Variants in GPAT2 observed in about 807,000 individuals in gnomAD.
The protein encoded by GPAT2 is glycerol-3-phosphate acyltransferase 2, mitochondrial.
GPAT2 carries 51 observed loss-of-function variants against 71.0 expected under a neutral mutation model. That is an observed-to-expected ratio of 0.72 (90% CI 0.57 to 0.91). The LOEUF is 0.91. GPAT2 is among the 40% of genes least tolerant of loss of function. The probability of loss-of-function intolerance (pLI) is 0.00; values close to 1 mark genes in which losing one functional copy is unlikely to be tolerated. For synonymous variants in GPAT2, 222 were observed against 290.3 expected (o/e 0.76, Z 2.39); for missense variants, 511 against 666.0 (o/e 0.77, Z 2.56).
chr2:96,025,697 C>T, intron 12 of GPAT2, 94 bp from the exon 13 acceptor site: 1 of 1,408,076 alleles, frequency 7.1e-7, no homozygotes, highest in Non-Finnish European at 9.7e-7. Context: ...GGGTGTTTCC[C>T]CCTCCCAGCC....
rs768933831 is a variant in GPAT2 at position 96,023,453 on chromosome 2, G to A, written c.1915-13C>T. 7 of 1,613,766 alleles carry A rather than the reference G, an allele frequency of 4.3e-6. No individual in the cohort carries two copies. Among genetic ancestry groups the A allele is most frequent in the Non-Finnish European group, 5.9e-6 (7 of 1,179,970 alleles). ...GGGAGCCTGGGGTCTAGGGGCCGTG[G>A]AGCCATTGTTCTCTGACAAGCTGGC... On this transcript the variant is annotated splice_polypyrimidine_tract_variant and intron_variant, in intron 17 of 21. Transcript: ENST00000434632.
intron 12 of GPAT2, 149 bp downstream of exon 12, chr2:96,025,781 T>C: frequency 8.4e-7 from 1 of 1,192,824 alleles, no homozygotes; most frequent in Admixed American, 2.1e-5. Flanking sequence ...CTCAGACTGT[T>C]GGCAAGGCGA....
chr2:96,024,839 A>C lies in GPAT2; in HGVS notation c.1362T>G (p.Ser454Arg). The C allele has an allele frequency of 6.2e-7, 1 of 1,612,646 alleles. No individual in the cohort carries two copies. Among genetic ancestry groups the C allele is most frequent in the East Asian group, 2.2e-5 (1 of 44,842 alleles). ...RRLSCHVLSA[S>R]VGSSAVMSTA... ...TGCTCATCACCGCAGAGCTCCCTAC[A>C]CTGGCTGGAGTGGGGCGGGGGGTGG... The change falls in exon 14 of 22, where the codon AGT becomes AGG. Residue 454 changes from serine (S) to arginine (R), a missense_variant. Physicochemically the swap from Ser to Arg is moderately radical, Grantham distance 110. Coordinates refer to ENST00000434632, the MANE Select transcript of GPAT2 (RefSeq NM_001321527.2).
At chr2:96,024,737 C>A (rs372635750) in intron 14 of GPAT2, 36 bp downstream of exon 14, 12 of 1,613,752 alleles carry the variant, frequency 7.4e-6, no homozygotes, top group South Asian at 5.5e-5. Context: ...GCCACCCCCC[C>A]CACCGCCCAG....
chr2:96,024,973 G>C, intron 13 of GPAT2, 130 bp from the exon 14 acceptor site: 1 of 1,064,490 alleles, frequency 9.4e-7, no homozygotes, highest in Non-Finnish European at 1.4e-6. Flanking sequence ...TACACCCGGA[G>C]CAGTGGTGTT....
At position 96,024,806 on chromosome 2, in the gene GPAT2, A is replaced by G. The variant is rs377675936; in HGVS notation, c.1395T>C (p.Ile465=). Residue 465 remains isoleucine, a synonymous_variant, in exon 14 of 22, where the codon ATT becomes ATC. Transcript: ENST00000434632. The part of the protein sequence containing the change: ...VGSSAVMSTA[I]MATLLLFKHQ... ...GCTTGAAGAGCAGCAGCGTTGCCAT[A>G]ATGGCCGTGCTCATCACCGCAGAGC... 1.3e-4 allele frequency: 205 copies of G among 1,613,594 alleles called. No individual in the cohort carries two copies. In the African/African-American group the frequency reaches 2.0e-3, roughly 16 times the overall value.
Position 96,032,347 on chromosome 2 carries a change from A to G in GPAT2, c.13T>C (p.Leu5=), listed in dbSNP as rs1371787624. 10 of 1,478,270 alleles carry G rather than the reference A, an allele frequency of 6.8e-6. 3 individuals are homozygous for G. Among genetic ancestry groups the G allele is most frequent in the Non-Finnish European group, 9.2e-6 (10 of 1,088,856 alleles). The allele number at this position is 1,478,270 out of a possible 1,614,324, so 91.6% of individuals were successfully genotyped here. The change falls in exon 2 of 22, where the codon TTG becomes CTG. Residue 5 remains leucine (L), a synonymous_variant. Coordinates refer to ENST00000434632, the MANE Select transcript of GPAT2 (RefSeq NM_001321527.2). The stretch of plus-strand genomic sequence containing the variant: ...GGCTGAGTTTGGCATCTGCCTTCCA[A>G]CATGGTGGCCATGAGAGCCTAGAAG... MATM[L]EGRCQTQPRS...
At position 96,023,439 on chromosome 2, in the gene GPAT2, G is replaced by T; in HGVS notation, c.1916C>A (p.Thr639Asn). 6.2e-7 allele frequency: 1 copy of T among 1,613,924 alleles called. No homozygotes were observed. The highest frequency in any genetic ancestry group is 1.1e-5 in the South Asian group (1 of 91,086). The change falls in exon 18 of 22, where the codon ACC becomes AAC. Residue 639 changes from threonine (T) to asparagine (N), a missense_variant and splice_region_variant. By Grantham distance (65) the Thr-to-Asn change is moderately conservative. Transcript: ENST00000434632. ...GTCACAGGCTGGCCGGGAGCCTGGG[G>T]TCTAGGGGCCGTGGAGCCATTGTTC... Reference protein sequence around the residue: ...IQCGLLVAEETPGSRPACDTG... With the variant: ...IQCGLLVAEENPGSRPACDTG...
At chr2:96,023,858 C>G in intron 17 of GPAT2, 65 bp downstream of exon 17, 1 of 1,540,218 alleles carries the variant, frequency 6.5e-7, no homozygotes, top group Non-Finnish European at 8.8e-7. Context: ...AGCTGGCACT[C>G]AGGGTGGGAG....
intron 12 of GPAT2, 69 bp downstream of exon 12, chr2:96,025,861 G>A (rs963485187): frequency 6.3e-6 from 9 of 1,418,288 alleles, no homozygotes; most frequent in Admixed American, 3.4e-5. Flanking sequence ...TGTATATGGG[G>A]GATACATAAG....
intron 1 of GPAT2, among the ~76,000 whole-genome samples, chr2:96,033,994 A>C (rs1311185161): frequency 6.6e-6 from 1 of 151,688 alleles, no homozygotes; most frequent in African/African-American, 2.4e-5. Context: ...TACATATATA[A>C]TACATATATA....
Position 96,024,212 on chromosome 2 carries a change from G to T in GPAT2, c.1813C>A (p.Pro605Thr), listed in dbSNP as rs1680087240. The change falls in exon 16 of 22, where the codon CCG becomes ACG. Residue 605 changes from proline to threonine, a missense_variant. By Grantham distance (38) the Pro-to-Thr change is conservative. This residue lies in a region of GPAT2 where 295 missense variants were observed against 305.5 expected (regional missense o/e 0.97). Coordinates refer to ENST00000434632, the MANE Select transcript of GPAT2 (RefSeq NM_001321527.2). ...ACCTTTAGCAGCAGCAGGTCTTGCG[G>T]CAGCAGGTGCATCAGCAGCAGGATC... ...RQILLLMHLL[P>T]QDLLLLKPCQ... The T allele has an allele frequency of 6.5e-7, 1 of 1,535,426 alleles. No homozygotes were observed. The highest frequency in any genetic ancestry group is 1.2e-5 in the South Asian group (1 of 80,060).
intron 6 of GPAT2, 117 bp downstream of exon 6, chr2:96,030,288 TA>T (rs1244056182): frequency 1.9e-6 from 1 of 517,510 alleles, no homozygotes; most frequent in African/African-American, 2.3e-5. Flanking sequence ...CCCACTCTGG[TA>T]AACACTATCC....
intron 21 of GPAT2, 135 bp from the exon 22 acceptor site, chr2:96,022,410 G>A: frequency 1.7e-6 from 2 of 1,159,216 alleles, no homozygotes; most frequent in Non-Finnish European, 2.4e-6. Flanking sequence ...GCGTGCAAAT[G>A]CTGCCGCAAA....
At position 96,025,470 on chromosome 2, in the gene GPAT2, C is replaced by G. The variant is rs1680298091; in HGVS notation, c.1357+15G>C. The G allele has an allele frequency of 6.4e-7, 1 of 1,571,296 alleles. No individual in the cohort carries two copies. Among genetic ancestry groups the G allele is most frequent in the Admixed American group, 1.9e-5 (1 of 51,586 alleles). ...GTGACCCACCCGCAAAGGCCCAGAT[C>G]TGGTTCACCCTCACCACTCAGGACA... On this transcript the variant is annotated intron_variant, in intron 13 of 21. Coordinates refer to ENST00000434632, the MANE Select transcript of GPAT2 (RefSeq NM_001321527.2).
intron 20 of GPAT2, 74 bp downstream of exon 20, chr2:96,022,884 T>C: frequency 6.2e-7 from 1 of 1,612,628 alleles, no homozygotes; most frequent in Non-Finnish European, 8.5e-7. Flanking sequence ...GGGTTGTCAC[T>C]GTCCTGCAGG....
At chr2:96,029,547 A>C in intron 6 of GPAT2, among the ~76,000 whole-genome samples, 1 of 81,472 alleles carries the variant, frequency 1.2e-5, no homozygotes, top group African/African-American at 4.7e-5. Context: ...AGGTACCAAA[A>C]CTCTCTCTCT....
chr2:96,024,168 G>A lies in GPAT2; in HGVS notation c.1836+21C>T. On this transcript the variant is annotated intron_variant, in intron 16 of 21. Transcript: ENST00000434632. ...AAGAGGGGAAGGCCTAGGACCAAGT[G>A]GGCCGTAGGGGAGGCCTGACCTTTA... The A allele has an allele frequency of 4.7e-6, 7 of 1,497,852 alleles. No individual in the cohort carries two copies. The East Asian group carries it at 9.5e-5, about 20-fold the overall frequency. The allele number at this position is 1,497,852 out of a possible 1,614,324, so 92.8% of individuals were successfully genotyped here. A position where few individuals can be genotyped will look rare whatever the true frequency, so the allele number is the denominator to read the frequency against.
chr2:96,024,721 C>G, intron 14 of GPAT2, 36 bp from the exon 15 acceptor site: 2 of 1,613,144 alleles, frequency 1.2e-6, no homozygotes, highest in Non-Finnish European at 1.7e-6. Flanking sequence ...AGCAGGGCCA[C>G]ACATCGCCAC....
Sources: gnomAD v4.1 joint callset for allele counts (sites outside exome capture counted in the v4.1 genomes callset) on GRCh38, gnomAD v4.1.1 for gene constraint, gnomAD v4.1.1 regional missense constraint, MANE v1.5 for transcripts, NCBI Gene and HGNC (gene_info 2026-07-23, HGNC 2026-07-21) for gene names.